PARP8: variants seen among roughly 807,000 people sequenced by gnomAD.
PARP8 encodes the protein protein mono-ADP-ribosyltransferase PARP8.
PARP8 carries 51 observed loss-of-function variants against 124.1 expected under a neutral mutation model. The observed-to-expected ratio is 0.41, with a 90% confidence interval of 0.33 to 0.52. The LOEUF is 0.52. Among genes scored for constraint, PARP8 ranks in the 20% least tolerant of loss-of-function variants. PARP8 has a pLI of 0.21. For missense variants in PARP8, 860 were observed against 1,018.9 expected (o/e 0.84, Z 2.12); for synonymous variants, 391 against 361.5 (o/e 1.08, Z -0.93).
intron 2 of PARP8, among the ~76,000 whole-genome samples, chr5:50,732,779 C>T (rs1200543220): frequency 3.3e-5 from 5 of 151,628 alleles, no homozygotes; most frequent in Non-Finnish European, 7.4e-5. Context: ...CCACCACGCT[C>T]GGCTAATTTT....
chr5:50,799,505 CTTTG>C (rs1368732183), intron 14 of PARP8, among the ~76,000 whole-genome samples: 1 of 152,090 alleles, frequency 6.6e-6, no homozygotes, highest in Admixed American at 6.5e-5. Flanking sequence ...GGCAGAAATC[CTTTG>C]TTTGTGTTTT....
chr5:50,753,737 T>C (rs1287698862), intron 3 of PARP8, among the ~76,000 whole-genome samples: 1 of 152,062 alleles, frequency 6.6e-6, no homozygotes, highest in Non-Finnish European at 1.5e-5. Flanking sequence ...GAATGTAACA[T>C]GAAATCAATA....
At chr5:50,809,096 A>AT (rs1744163874) in intron 14 of PARP8, among the ~76,000 whole-genome samples, 1 of 152,054 alleles carries the variant, frequency 6.6e-6, no homozygotes, top group Non-Finnish European at 1.5e-5. Flanking sequence ...TGAGACAAAT[A>AT]GAGACTACTG....
intron 2 of PARP8, among the ~76,000 whole-genome samples, chr5:50,710,689 G>T (rs1215580688): frequency 6.6e-6 from 1 of 152,000 alleles, no homozygotes; most frequent in Non-Finnish European, 1.5e-5. Flanking sequence ...CTCTTTTGTT[G>T]TGTGAATTGT....
chr5:50,833,195 T>C (rs1401434633), intron 23 of PARP8, among the ~76,000 whole-genome samples: 2 of 150,740 alleles, frequency 1.3e-5, no homozygotes, highest in Non-Finnish European at 3.0e-5. Flanking sequence ...GAATGCTAGA[T>C]ATTATGAAGA....
intron 2 of PARP8, among the ~76,000 whole-genome samples, chr5:50,709,635 T>G (rs1211897922): frequency 1.3e-5 from 2 of 151,910 alleles, no homozygotes; most frequent in East Asian, 1.9e-4. Context: ...ATCAGTAAAA[T>G]TCTTGAGTGC....
intron 9 of PARP8, among the ~76,000 whole-genome samples, chr5:50,782,311 C>T (rs1740760175): frequency 1.3e-5 from 2 of 152,120 alleles, no homozygotes; most frequent in African/African-American, 4.8e-5. Context: ...TGGTTTTCTC[C>T]TATTTCTGTT....
chr5:50,706,627 C>T (rs1300316002), intron 2 of PARP8, among the ~76,000 whole-genome samples: 1 of 152,024 alleles, frequency 6.6e-6, no homozygotes, highest in Non-Finnish European at 1.5e-5. Flanking sequence ...ACTATTTTCT[C>T]AGCATATTAT....
At chr5:50,741,935 A>C (rs775004575) in intron 2 of PARP8, 9 of 410,742 alleles carry the variant, frequency 2.2e-5, no homozygotes, top group Non-Finnish European at 3.3e-5. Flanking sequence ...TCAGCCTTCT[A>C]CTAGCTGGCA....
chr5:50,806,700 G>A (rs1462063616), intron 14 of PARP8, among the ~76,000 whole-genome samples: 1 of 152,024 alleles, frequency 6.6e-6, no homozygotes, highest in African/African-American at 2.4e-5. Context: ...TTGAAAGGAA[G>A]AGAGATAGAC....
At chr5:50,675,412 C>T (rs918165956) in intron 2 of PARP8, among the ~76,000 whole-genome samples, 5 of 152,198 alleles carry the variant, frequency 3.3e-5, no homozygotes, top group South Asian at 2.1e-4. Context: ...TCAAACGATT[C>T]TCCCGTCTCA....
At chr5:50,674,508 T>A (rs571939073) in intron 2 of PARP8, among the ~76,000 whole-genome samples, 38 of 152,368 alleles carry the variant, frequency 2.5e-4, no homozygotes, top group African/African-American at 8.9e-4. Flanking sequence ...CCATCCAGTT[T>A]ATTTACACCT....
Position 50,845,017 on chromosome 5 carries a change from A to T in PARP8, c.*2949A>T, listed in dbSNP as rs1432349393. 6.6e-6 allele frequency: 1 copy of T among 151,196 alleles called. No individual in the cohort carries two copies. The highest frequency in any genetic ancestry group is 1.5e-5 in the Non-Finnish European group (1 of 67,664). The allele number at this position is 151,196 out of a possible 1,614,324, so 9.4% of individuals were successfully genotyped here. ...TTTTTTTAATTTGAAGTTTAATTTTAAAAGTGCCACATTGTAAAAGTTACC... is the reference window on the plus strand; with the variant it reads ...TTTTTTTAATTTGAAGTTTAATTTTTAAAGTGCCACATTGTAAAAGTTACC... On this transcript the variant is annotated 3_prime_UTR_variant, in exon 26 of 26. Transcript: ENST00000281631.
intron 14 of PARP8, among the ~76,000 whole-genome samples, chr5:50,799,607 A>G (rs1275985501): frequency 6.6e-6 from 1 of 152,116 alleles, no homozygotes; most frequent in African/African-American, 2.4e-5. Context: ...AGGCAGTTGG[A>G]ATTTTGATAG....
At chr5:50,720,963 C>T (rs1050700744) in intron 2 of PARP8, among the ~76,000 whole-genome samples, 2 of 151,886 alleles carry the variant, frequency 1.3e-5, no homozygotes, top group African/African-American at 4.8e-5. Flanking sequence ...GCTTGGAGCC[C>T]TTGTGCTCCA....
intron 2 of PARP8, among the ~76,000 whole-genome samples, chr5:50,707,983 A>G (rs537652194): frequency 7.2e-5 from 11 of 152,192 alleles, no homozygotes; most frequent in Admixed American, 7.2e-4. Context: ...TGCATCACTA[A>G]TCAGCATATT....
At chr5:50,708,597 C>T (rs1754406176) in intron 2 of PARP8, among the ~76,000 whole-genome samples, 1 of 151,862 alleles carries the variant, frequency 6.6e-6, no homozygotes, top group African/African-American at 2.4e-5. Flanking sequence ...TTTCTAATTT[C>T]TTTATATGTA....
At chr5:50,817,766 G>A (rs1745265403) in intron 15 of PARP8, among the ~76,000 whole-genome samples, 1 of 152,044 alleles carries the variant, frequency 6.6e-6, no homozygotes, top group South Asian at 2.1e-4. Flanking sequence ...TCCTATAGGT[G>A]CCTTTCTTAG....
intron 9 of PARP8, among the ~76,000 whole-genome samples, chr5:50,779,907 A>AAATT (rs2067199): frequency 0.13 from 19,721 of 152,124 alleles, 1,377 homozygotes; most frequent in African/African-American, 0.18. Flanking sequence ...CATTCTATTT[A>AAATT]AATTAATGCA....
Sources: allele counts gnomAD v4.1 joint callset (sites outside exome capture counted in the v4.1 genomes callset), GRCh38; gene constraint gnomAD v4.1.1; transcripts MANE v1.5; gene names NCBI Gene and HGNC (gene_info 2026-07-23, HGNC 2026-07-21).